The following FGFR2 variants were observed in gnomAD, a reference collection of about 807,000 sequenced individuals.
The protein encoded by FGFR2 is fibroblast growth factor receptor 2.
A neutral mutation model predicts 95.9 loss-of-function variants in FGFR2; 19 were observed. That is an observed-to-expected ratio of 0.20 (90% CI 0.14 to 0.29). The LOEUF is 0.29. FGFR2 is among the 10% of genes least tolerant of loss of function. The pLI, the probability that FGFR2 is intolerant of heterozygous loss-of-function variation, is 1.00. For synonymous variants in FGFR2, 392 were observed against 393.3 expected (o/e 1.00, Z 0.04); for missense variants, 707 against 1,056.9 (o/e 0.67, Z 4.59).
intron 9 of FGFR2, among the ~76,000 whole-genome samples, chr10:121,505,150 G>T (rs1848111996): frequency 6.6e-6 from 1 of 152,160 alleles, no homozygotes; most frequent in Non-Finnish European, 1.5e-5. Flanking sequence ...GGTGGGTCCT[G>T]GGCTCTTCTC....
chr10:121,547,015 A>C (rs781747268), intron 5 of FGFR2, among the ~76,000 whole-genome samples: 3 of 152,212 alleles, frequency 2.0e-5, no homozygotes, highest in Admixed American at 1.3e-4. Flanking sequence ...ACTTGAGGTC[A>C]GGAGTTCGAG....
chr10:121,523,273 A>G (rs987039823), intron 6 of FGFR2, among the ~76,000 whole-genome samples: 9 of 152,210 alleles, frequency 5.9e-5, no homozygotes, highest in African/African-American at 2.2e-4. Context: ...GTTGGTGGGC[A>G]GAAAATCTCA....
At chr10:121,528,537 T>G (rs1349360837) in intron 6 of FGFR2, among the ~76,000 whole-genome samples, 1 of 152,206 alleles carries the variant, frequency 6.6e-6, no homozygotes, top group Non-Finnish European at 1.5e-5. Context: ...TCTATCATGC[T>G]CATCTCTCTC....
chr10:121,547,397 T>A (rs987898608), intron 5 of FGFR2, among the ~76,000 whole-genome samples: 1 of 147,392 alleles, frequency 6.8e-6, no homozygotes, highest in Non-Finnish European at 1.5e-5. Flanking sequence ...GTACCTTTTT[T>A]TTCTTTTTTT....
intron 4 of FGFR2, among the ~76,000 whole-genome samples, chr10:121,562,340 AGTG>A (rs1857103819): frequency 6.6e-6 from 1 of 151,188 alleles, no homozygotes; most frequent in African/African-American, 2.4e-5. Flanking sequence ...GAGGGAGTGC[AGTG>A]GTGTGATCTC....
intron 2 of FGFR2, among the ~76,000 whole-genome samples, chr10:121,566,340 T>C (rs1037878705): frequency 6.6e-6 from 1 of 152,112 alleles, no homozygotes; most frequent in African/African-American, 2.4e-5. Flanking sequence ...TTTCCCAAAA[T>C]GATAAAAGCC....
intron 9 of FGFR2, among the ~76,000 whole-genome samples, chr10:121,506,574 TGGATGA>T (rs1188719278): frequency 6.6e-6 from 1 of 152,090 alleles, no homozygotes; most frequent in Non-Finnish European, 1.5e-5. Context: ...ACCGCAGTCC[TGGATGA>T]CGTTAACACC....
chr10:121,524,351 C>T (rs574780459), intron 6 of FGFR2, among the ~76,000 whole-genome samples: 1 of 152,214 alleles, frequency 6.6e-6, no homozygotes, highest in African/African-American at 2.4e-5. Context: ...AAACCTTACA[C>T]TGTCTTCCAA....
chr10:121,577,134 CAAAAAAAAAAAAAA>C lies in FGFR2; in HGVS notation c.110-11444_110-11431del, dbSNP rs1169487586. ...TGGATGACAGAGCGAGACTCCATCT[CAAAAAAAAAAAAAA>C]AAAAAAAAAAATATATATATATATA... is the stretch of plus-strand genomic sequence containing the variant. On this transcript the variant is annotated intron_variant, in intron 2 of 17. Transcript: ENST00000358487. 1.0e-3 allele frequency among the ~76,000 whole-genome samples: 4 copies of C among 3,952 alleles called. No individual in the cohort carries two copies. In the South Asian group the frequency reaches 0.067, roughly 66 times the overall value. 2.6% of individuals were successfully genotyped at this position (3,952 alleles called of 152,430 possible).
intron 5 of FGFR2, 112 bp downstream of exon 5, chr10:121,551,178 C>A (rs1172449548): frequency 2.4e-6 from 3 of 1,256,096 alleles, no homozygotes; most frequent in African/African-American, 3.0e-5. Flanking sequence ...CGAGATCGCA[C>A]CACGGCACTC....
chr10:121,535,496 T>C (rs1852703904), intron 6 of FGFR2, among the ~76,000 whole-genome samples: 1 of 152,210 alleles, frequency 6.6e-6, no homozygotes, highest in Non-Finnish European at 1.5e-5. Context: ...TCCTTCATTT[T>C]TGGACACAAG....
intron 13 of FGFR2, among the ~76,000 whole-genome samples, chr10:121,490,328 C>T (rs1363608422): frequency 6.6e-6 from 1 of 152,004 alleles, no homozygotes; most frequent in East Asian, 1.9e-4. Context: ...CCACATCAGG[C>T]TAATTTTGTA....
At chr10:121,577,174 TATATAG>T (rs1399392350) in intron 2 of FGFR2, among the ~76,000 whole-genome samples, 19 of 4,796 alleles carry the variant, frequency 4.0e-3, no homozygotes, top group African/African-American at 0.016. Flanking sequence ...TATATATATA[TATATAG>T]AGAGAGAGAG....
intron 7 of FGFR2, 22 bp downstream of exon 7, chr10:121,519,957 T>C (rs1850264521): frequency 6.2e-7 from 1 of 1,613,844 alleles, no homozygotes; most frequent in East Asian, 2.2e-5. Flanking sequence ...TGTGGGTACC[T>C]TTAGATTCAG....
chr10:121,494,509 G>C lies in FGFR2; in HGVS notation c.1863+2023C>G, dbSNP rs145817828. The stretch of plus-strand genomic sequence containing the variant: ...GCTTCCCCTATCTCCCACACAGGTA[G>C]GGCAGGGAGTGATCAAGACCAGAAT... On this transcript the variant is annotated intron_variant, in intron 13 of 17. Coordinates refer to ENST00000358487, the MANE Select transcript of FGFR2 (RefSeq NM_000141.5). Among the ~76,000 whole-genome samples the C allele has an allele frequency of 2.6e-4, 40 of 152,256 alleles. No individual in the cohort carries two copies. In the East Asian group the frequency reaches 5.8e-3, roughly 22 times the overall value.
intron 5 of FGFR2, among the ~76,000 whole-genome samples, chr10:121,548,244 CCTTTTTTT>C (rs1854826302): frequency 2.7e-5 from 1 of 36,880 alleles, no homozygotes; most frequent in Non-Finnish European, 6.2e-5. Flanking sequence ...CCGCTTTTGG[CCTTTTTTT>C]TTTTTTTTTT....
At position 121,565,633 on chromosome 10, in the gene FGFR2, G is replaced by T. The variant is rs1354205157; in HGVS notation, c.181C>A (p.Arg61Ser). Residue 61 changes from arginine to serine, a missense_variant, in exon 3 of 18, where the codon CGC becomes AGC. Physicochemically the swap from Arg to Ser is moderately radical, Grantham distance 110. Coordinates refer to ENST00000358487, the MANE Select transcript of FGFR2 (RefSeq NM_000141.5). ...VAAPGESLEV[R>S]CLLKDAAVIS... Reference sequence around the variant, plus strand: ...ACGGCGGCATCTTTCAACAGGCAGCGCACCTCTAGCGACTCCCCTGGCGCA... The same window carrying T: ...ACGGCGGCATCTTTCAACAGGCAGCTCACCTCTAGCGACTCCCCTGGCGCA... 1 of 1,614,184 alleles carries T rather than the reference G, an allele frequency of 6.2e-7. No homozygotes were observed. The highest frequency in any genetic ancestry group is 8.5e-7 in the Non-Finnish European group (1 of 1,180,026).
At chr10:121,558,942 T>C (rs1449252622) in intron 4 of FGFR2, among the ~76,000 whole-genome samples, 1 of 152,004 alleles carries the variant, frequency 6.6e-6, no homozygotes, top group Non-Finnish European at 1.5e-5. Flanking sequence ...CTTTTCGTAC[T>C]CTGTACAGAA....
At chr10:121,520,957 A>G (rs1850460436) in intron 6 of FGFR2, among the ~76,000 whole-genome samples, 1 of 152,248 alleles carries the variant, frequency 6.6e-6, no homozygotes, top group African/African-American at 2.4e-5. Flanking sequence ...TACATTTCTA[A>G]GATGCTCTGA....
Sources: gnomAD v4.1 joint callset for allele counts (sites outside exome capture counted in the v4.1 genomes callset) on GRCh38, gnomAD v4.1.1 for gene constraint, MANE v1.5 for transcripts, NCBI Gene and HGNC (gene_info 2026-07-23, HGNC 2026-07-21) for gene names.